The following SYNE2 variants were observed in gnomAD, a reference collection of about 807,000 sequenced individuals.
The protein encoded by SYNE2 is nesprin-2.
In SYNE2, 431 loss-of-function variants were observed where a neutral mutation model predicts 856.3. That is an observed-to-expected ratio of 0.50 (90% CI 0.47 to 0.55). SYNE2 has a LOEUF of 0.55. Among genes scored for constraint, SYNE2 ranks in the 20% least tolerant of loss-of-function variants. SYNE2 has a pLI of 0.00. For missense variants in SYNE2, 8,129 were observed against 8,023.2 expected (o/e 1.01, Z -0.50); for synonymous variants, 2,923 against 2,872.3 (o/e 1.02, Z -0.56).
chr14:63,893,856 A>G (rs551177486), intron 1 of SYNE2, among the ~76,000 whole-genome samples: 2 of 152,130 alleles, frequency 1.3e-5, no homozygotes, highest in Non-Finnish European at 2.9e-5. Context: ...TGATGCAAGG[A>G]TGTCCGTAGT....
Position 64,215,368 on chromosome 14 carries a change from C to T in SYNE2, c.19402+14C>T. The T allele has an allele frequency of 1.9e-6, 3 of 1,613,696 alleles. No homozygotes were observed. The South Asian group carries it at 3.3e-5, about 18-fold the overall frequency. On this transcript the variant is annotated intron_variant, in intron 107 of 115. Coordinates refer to ENST00000555002, the MANE Select transcript of SYNE2 (RefSeq NM_182914.3). ...AAGCGTCTTCTGGTAGGCCCCCGCC[C>T]ATGCATGTGTCAACATGGCAGCATC... is the stretch of plus-strand genomic sequence containing the variant.
chr14:64,081,490 G>C lies in SYNE2; in HGVS notation c.11394G>C (p.Glu3798Asp). ...ATAGTGACCTTCTGAAGAGCACTGA[G>C]GCTTGGATAGAAAATACCAGTCATT... is the stretch of plus-strand genomic sequence containing the variant. Reference protein sequence around the residue: ...EEYSDLLKSTEAWIENTSHLL... With the variant: ...EEYSDLLKSTDAWIENTSHLL... The change falls in exon 57 of 116, where the codon GAG becomes GAC. Residue 3798 changes from glutamate to aspartate, a missense_variant. Glu to Asp is a conservative substitution (Grantham distance 45). Transcript: ENST00000555002. The C allele has an allele frequency of 6.2e-7, 1 of 1,614,180 alleles. No individual in the cohort carries two copies. The highest frequency in any genetic ancestry group is 8.5e-7 in the Non-Finnish European group (1 of 1,180,036).
chr14:63,796,465 T>A (rs200074112), intron 1 of SYNE2, among the ~76,000 whole-genome samples: 1 of 131,004 alleles, frequency 7.6e-6, no homozygotes, highest in Non-Finnish European at 1.7e-5. Flanking sequence ...TCAAAAAAAA[T>A]TTTTGTTTTG....
chr14:64,037,835 G>T (rs1448170456), intron 45 of SYNE2, among the ~76,000 whole-genome samples: 1 of 146,756 alleles, frequency 6.8e-6, no homozygotes, highest in East Asian at 2.1e-4. Context: ...GGCTGGCTGG[G>T]CGGGGGGCTG....
intron 9 of SYNE2, among the ~76,000 whole-genome samples, chr14:63,962,174 G>A (rs769237794): frequency 4.6e-5 from 7 of 151,930 alleles, no homozygotes; most frequent in Non-Finnish European, 7.4e-5. Flanking sequence ...TCGTGCCTCA[G>A]CCTCCCAAGT....
intron 67 of SYNE2, among the ~76,000 whole-genome samples, chr14:64,119,940 A>G (rs993634906): frequency 5.3e-5 from 8 of 152,228 alleles, no homozygotes; most frequent in Admixed American, 2.0e-4. Flanking sequence ...TTGTGACTCT[A>G]ATTGACTGGA....
intron 6 of SYNE2, among the ~76,000 whole-genome samples, chr14:63,949,082 C>G (rs1380711114): frequency 6.6e-6 from 1 of 151,756 alleles, no homozygotes; most frequent in Non-Finnish European, 1.5e-5. Context: ...TATGGATTGT[C>G]TGATTAGTCT....
Position 64,021,607 on chromosome 14 carries a change from A to C in SYNE2, c.5352+92A>C. 2.7e-6 allele frequency: 4 copies of C among 1,499,424 alleles called. No homozygotes were observed. In the Admixed American group the frequency reaches 7.6e-5, roughly 28 times the overall value. 92.9% of individuals were successfully genotyped at this position (1,499,424 alleles called of 1,614,324 possible). Reference sequence around the variant, plus strand: ...CTCTTAGAGTTAATAAAAATAGAAAAAAAAAGTCGAAGAAGAAAACTCAGA... The same window carrying C: ...CTCTTAGAGTTAATAAAAATAGAAACAAAAAGTCGAAGAAGAAAACTCAGA... On this transcript the variant is annotated intron_variant, in intron 36 of 115. Transcript: ENST00000555002.
chr14:64,165,757 G>A (rs748124056), intron 90 of SYNE2, among the ~76,000 whole-genome samples: 2 of 151,658 alleles, frequency 1.3e-5, no homozygotes, highest in African/African-American at 2.4e-5. Flanking sequence ...CAGGTGATCC[G>A]CCTGCCTCGG....
intron 53 of SYNE2, chr14:64,075,615 T>G (rs948180450): frequency 5.4e-5 from 10 of 184,780 alleles, no homozygotes; most frequent in African/African-American, 2.3e-4. Context: ...TTTTTTTTTT[T>G]GCTGCTTGCA....
intron 1 of SYNE2, among the ~76,000 whole-genome samples, chr14:63,878,469 C>G (rs2094779555): frequency 6.6e-6 from 1 of 152,212 alleles, no homozygotes; most frequent in African/African-American, 2.4e-5. Flanking sequence ...CAATCATTTG[C>G]TGACAGGCAT....
intron 1 of SYNE2, among the ~76,000 whole-genome samples, chr14:63,767,465 C>CT (rs1886725918): frequency 6.6e-6 from 1 of 152,086 alleles, no homozygotes; most frequent in African/African-American, 2.4e-5. Context: ...TGTATCTCAT[C>CT]TTATGCAAAA....
chr14:63,797,733 C>G (rs538486959), intron 1 of SYNE2, among the ~76,000 whole-genome samples: 1 of 152,238 alleles, frequency 6.6e-6, no homozygotes, highest in Non-Finnish European at 1.5e-5. Context: ...TGAGCCACCA[C>G]GCCCAGCCAG....
intron 1 of SYNE2, among the ~76,000 whole-genome samples, chr14:63,816,923 T>A (rs1258931004): frequency 1.3e-5 from 2 of 152,090 alleles, no homozygotes; most frequent in African/African-American, 4.8e-5. Context: ...CTTGCTATAT[T>A]GGCTAGGCTA....
At position 64,201,036 on chromosome 14, in the gene SYNE2, C is replaced by CTTTA. The variant is rs565884665; in HGVS notation, c.18039-1764_18039-1761dup. Among the ~76,000 whole-genome samples, 6 of 152,344 alleles carry CTTTA rather than the reference C, an allele frequency of 3.9e-5. No individual in the cohort carries two copies. The South Asian group carries it at 8.3e-4, about 21-fold the overall frequency. ...TCCAGCATTCACTCTGTGCAGCTGA[C>CTTTA]TTTACATGCAGCCTCTTATTTCAAG... On this transcript the variant is annotated intron_variant, in intron 99 of 115. Transcript: ENST00000555002.
At chr14:64,172,885 TG>T (rs1484531366) in intron 94 of SYNE2, among the ~76,000 whole-genome samples, 1 of 150,760 alleles carries the variant, frequency 6.6e-6, no homozygotes, top group Non-Finnish European at 1.5e-5. Flanking sequence ...CAACGAGCCA[TG>T]GTCACACCAC....
At chr14:64,094,407 C>T (rs1249334124) in intron 61 of SYNE2, among the ~76,000 whole-genome samples, 3 of 152,038 alleles carry the variant, frequency 2.0e-5, no homozygotes, top group Non-Finnish European at 4.4e-5. Flanking sequence ...GCATGTTAAC[C>T]ATCTGTTGCT....
At chr14:63,765,883 G>A (rs1362215355) in intron 1 of SYNE2, among the ~76,000 whole-genome samples, 1 of 152,044 alleles carries the variant, frequency 6.6e-6, no homozygotes, top group Admixed American at 6.6e-5. Context: ...GTGCACGCCT[G>A]TAGTCCCAGC....
At chr14:63,878,765 A>T (rs1429037299) in intron 1 of SYNE2, among the ~76,000 whole-genome samples, 1 of 151,650 alleles carries the variant, frequency 6.6e-6, no homozygotes, top group Non-Finnish European at 1.5e-5. Context: ...CTGGTCTCGA[A>T]CTCTCCTGAT....
Sources: gnomAD v4.1 joint callset for allele counts (sites outside exome capture counted in the v4.1 genomes callset) on GRCh38, gnomAD v4.1.1 for gene constraint, MANE v1.5 for transcripts, NCBI Gene and HGNC (gene_info 2026-07-23, HGNC 2026-07-21) for gene names.